KIF5A: variants seen among roughly 807,000 people sequenced by gnomAD.
KIF5A encodes kinesin heavy chain isoform 5A.
In KIF5A, 35 loss-of-function variants were observed where a neutral mutation model predicts 141.3. The observed-to-expected ratio is 0.25, with a 90% confidence interval of 0.19 to 0.33. The LOEUF is 0.33. Ranked by LOEUF, KIF5A falls within the 10% of genes least tolerant of loss-of-function variation. The pLI, the probability that KIF5A is intolerant of heterozygous loss-of-function variation, is 1.00. For synonymous variants in KIF5A, 448 were observed against 500.2 expected (o/e 0.90, Z 1.39); for missense variants, 861 against 1,314.3 (o/e 0.66, Z 5.33).
In KIF5A at chr12:57,570,261, G is replaced by T. The variant is rs146871137; in HGVS notation, c.1293+99G>T. The T allele has an allele frequency of 3.9e-6, 4 of 1,035,918 alleles. No individual in the cohort carries two copies. The African/African-American group carries it at 6.3e-5, about 16-fold the overall frequency. 64.2% of individuals were successfully genotyped at this position (1,035,918 alleles called of 1,614,324 possible). Reference sequence around the variant, plus strand: ...TATTGCCTCTTTCTGGTTTTAAAAGGGATAAATGCTTATGCTTGAAATGTG... The same window carrying T: ...TATTGCCTCTTTCTGGTTTTAAAAGTGATAAATGCTTATGCTTGAAATGTG... On this transcript the variant is annotated intron_variant, in intron 12 of 28. Transcript: ENST00000455537.
chr12:57,566,846 C>T (rs552080976), intron 6 of KIF5A, among the ~76,000 whole-genome samples: 9 of 151,978 alleles, frequency 5.9e-5, no homozygotes, highest in Admixed American at 2.6e-4. Context: ...TTGAGACCAG[C>T]CTGACCAACA....
intron 15 of KIF5A, among the ~76,000 whole-genome samples, chr12:57,573,530 T>TA (rs879424109): frequency 2.7e-3 from 351 of 131,648 alleles, no homozygotes; most frequent in Middle Eastern, 4.0e-3. Flanking sequence ...GACCTTGTCT[T>TA]AAAAAAAAAA....
chr12:57,560,152 A>G (rs1881867923), intron 1 of KIF5A, among the ~76,000 whole-genome samples: 1 of 152,194 alleles, frequency 6.6e-6, no homozygotes, highest in Non-Finnish European at 1.5e-5. Flanking sequence ...TTGGCCTCCC[A>G]AAGTGCTGAG....
chr12:57,572,862 A>G lies in KIF5A; in HGVS notation c.1716+136A>G. 9.5e-7 allele frequency: 1 copy of G among 1,057,488 alleles called. No homozygotes were observed. The allele number at this position is 1,057,488 out of a possible 1,614,324, so 65.5% of individuals were successfully genotyped here. On this transcript the variant is annotated intron_variant, in intron 15 of 28. Transcript: ENST00000455537. The surrounding 1 kb of genome is among the most constrained non-coding windows in gnomAD (Gnocchi z 4.2). The stretch of plus-strand genomic sequence containing the variant: ...ACATGCCTTTGAACTAGACCCAGGA[A>G]GACAGGTAGAGGCTTGTATAGACCC...
chr12:57,577,671 T>G (rs778569432), intron 20 of KIF5A, 42 bp from the exon 21 acceptor site: 1 of 1,472,372 alleles, frequency 6.8e-7, no homozygotes, highest in Non-Finnish European at 9.5e-7. Flanking sequence ...GGAAGGAGAG[T>G]CCTGAGGGAT....
intron 20 of KIF5A, 101 bp downstream of exon 20, chr12:57,576,963 G>A: frequency 1.2e-6 from 1 of 853,996 alleles, no homozygotes; most frequent in South Asian, 1.4e-5. Flanking sequence ...AGACATGATA[G>A]GGTGACTCAT....
At chr12:57,555,833 T>C (rs1881717720) in intron 1 of KIF5A, among the ~76,000 whole-genome samples, 1 of 139,130 alleles carries the variant, frequency 7.2e-6, no homozygotes. Flanking sequence ...CGCTTGAACC[T>C]GGGAGGCGAA....
chr12:57,581,375 G>T, intron 24 of KIF5A, 40 bp from the exon 25 acceptor site: 2 of 1,612,250 alleles, frequency 1.2e-6, no homozygotes, highest in Non-Finnish European at 8.5e-7. Context: ...CAAATGCAGG[G>T]TCATAGCCTC....
In KIF5A at chr12:57,550,456, C is replaced by A. The variant is rs544250204; in HGVS notation, c.129+56C>A. On this transcript the variant is annotated intron_variant, in intron 1 of 28. Transcript: ENST00000455537. This position sits in a 1 kb window ranked among gnomAD's most constrained non-coding sequence, Gnocchi z 4.6. The stretch of plus-strand genomic sequence containing the variant: ...GGGGGCAGGTGGCTGAATCTCCCCG[C>A]CCCCCGCAGAGCCTTAGTCTCTGCT... 7.6e-6 allele frequency: 12 copies of A among 1,586,066 alleles called. No homozygotes were observed. The highest frequency in any genetic ancestry group is 6.7e-5 in the Admixed American group (4 of 59,816).
Position 57,578,069 on chromosome 12 carries a change from C to A in KIF5A, c.2422C>A (p.Arg808=). 2 of 1,614,010 alleles carry A rather than the reference C, an allele frequency of 1.2e-6. No individual in the cohort carries two copies. Among genetic ancestry groups the A allele is most frequent in the Non-Finnish European group, 1.7e-6 (2 of 1,179,846 alleles). ...RKLFVQDVTT[R]VKKSAEMEPE... is the part of the protein sequence containing the mutation. Reference sequence around the variant, plus strand: ...GCTGTTCGTTCAAGACGTCACGACTCGAGTCAAGAAAGTGAGTGCTGTCCT... The same window carrying A: ...GCTGTTCGTTCAAGACGTCACGACTAGAGTCAAGAAAGTGAGTGCTGTCCT... The change falls in exon 22 of 29, where the codon CGA becomes AGA. Residue 808 remains arginine, a synonymous_variant. Transcript: ENST00000455537.
chr12:57,568,989 C>T lies in KIF5A; in HGVS notation c.741C>T (p.Ala247=), dbSNP rs769133499. ...TCAGCAAGACTGGAGCAGAGGGAGCCGTGCTGGACGAGGCAAAGAATATCA... is the reference window on the plus strand; with the variant it reads ...TCAGCAAGACTGGAGCAGAGGGAGCTGTGCTGGACGAGGCAAAGAATATCA... The part of the protein sequence containing the change: ...EKVSKTGAEG[A]VLDEAKNINK... The change falls in exon 9 of 29, where the codon GCC becomes GCT. Residue 247 remains alanine (A), a synonymous_variant. Transcript: ENST00000455537. 1.2e-5 allele frequency: 20 copies of T among 1,613,930 alleles called. No homozygotes were observed. In the South Asian group the frequency reaches 1.8e-4, roughly 14 times the overall value.
In KIF5A at chr12:57,570,000, T is replaced by C; in HGVS notation, c.1131T>C (p.Pro377=). 1 of 1,613,620 alleles carries C rather than the reference T, an allele frequency of 6.2e-7. No individual in the cohort carries two copies. The highest frequency in any genetic ancestry group is 8.5e-7 in the Non-Finnish European group (1 of 1,179,574). The part of the protein sequence containing the change: ...LSRWRNGENV[P]ETERLAGEEA... ...GCCCCTTTGCAGGAGAGAATGTGCC[T>C]GAGACAGAGCGCCTGGCTGGGGAGG... Residue 377 remains proline (P), a synonymous_variant, in exon 12 of 29, where the codon CCT becomes CCC. Transcript: ENST00000455537.
At chr12:57,583,333 G>A in intron 28 of KIF5A, 118 bp downstream of exon 28, 1 of 671,322 alleles carries the variant, frequency 1.5e-6, no homozygotes, top group Non-Finnish European at 2.6e-6. Flanking sequence ...CTTTAATTAT[G>A]TAGTTACCCC....
intron 2 of KIF5A, 31 bp from the exon 3 acceptor site, chr12:57,563,589 A>G: frequency 1.9e-6 from 3 of 1,611,644 alleles, no homozygotes; most frequent in East Asian, 2.2e-5. Context: ...ACCTATCTCC[A>G]CCAGTACTCT....
At chr12:57,577,031 C>T (rs555236383) in intron 20 of KIF5A, among the ~76,000 whole-genome samples, 169 bp downstream of exon 20, 2 of 152,192 alleles carry the variant, frequency 1.3e-5, no homozygotes, top group South Asian at 2.1e-4. Flanking sequence ...CAAAGACTGC[C>T]GTTGAGTATT....
In KIF5A at chr12:57,581,970, G is replaced by C. The variant is rs745773241; in HGVS notation, c.2992+18G>C. ...GGACAATGGTGAGTGAAAAAGATGG[G>C]TAATCCCACCTTTGGGGTCCTCAGG... On this transcript the variant is annotated intron_variant, in intron 26 of 28. Coordinates refer to ENST00000455537, the MANE Select transcript of KIF5A (RefSeq NM_004984.4). The C allele has an allele frequency of 4.4e-6, 7 of 1,607,008 alleles. No individual in the cohort carries two copies. The African/African-American group carries it at 8.0e-5, about 18-fold the overall frequency.
At chr12:57,567,083 A>G (rs923830778) in intron 6 of KIF5A, 43 bp from the exon 7 acceptor site, 1 of 1,225,928 alleles carries the variant, frequency 8.2e-7, no homozygotes, top group Non-Finnish European at 1.2e-6. Context: ...ATACAAACTT[A>G]AAAAACAAAG....
intron 26 of KIF5A, 101 bp downstream of exon 26, chr12:57,582,053 C>G: frequency 2.1e-6 from 2 of 959,366 alleles, no homozygotes; most frequent in Non-Finnish European, 3.4e-6. Flanking sequence ...CTGACTGAAC[C>G]TTTCTGGTGT....
At chr12:57,568,015 TG>T (rs1159214334) in intron 8 of KIF5A, among the ~76,000 whole-genome samples, 1 of 151,844 alleles carries the variant, frequency 6.6e-6, no homozygotes, top group Non-Finnish European at 1.5e-5. Flanking sequence ...CCCTAGTAGC[TG>T]GGATTACAGG....
Sources: allele counts gnomAD v4.1 joint callset (sites outside exome capture counted in the v4.1 genomes callset), GRCh38; gene constraint gnomAD v4.1.1; non-coding constraint Gnocchi (gnomAD v3.1); transcripts MANE v1.5; gene names NCBI Gene and HGNC (gene_info 2026-07-23, HGNC 2026-07-21).